Variants in USP34 observed in about 807,000 individuals in gnomAD.
USP34 encodes ubiquitin carboxyl-terminal hydrolase 34.
Under a neutral mutation model 460.3 loss-of-function variants are expected in USP34, and 70 were observed. The ratio of observed to expected loss-of-function variants is 0.15; its 90% CI spans 0.13 to 0.19. The LOEUF (loss-of-function observed/expected upper bound fraction) is 0.19, where lower values mean the gene tolerates loss of function less well. USP34 is among the 10% of genes least tolerant of loss of function. The pLI is 1.00. For missense variants in USP34, 3,985 were observed against 4,236.2 expected, an observed-to-expected ratio of 0.94 and a Z score of 1.65; for synonymous variants, 1,647 against 1,405.3, an observed-to-expected ratio of 1.17 and a Z score of -3.85.
At chr2:61,318,402 A>G (rs1346524203) in intron 22 of USP34, among the ~76,000 whole-genome samples, 1 of 152,166 alleles carries the variant, frequency 6.6e-6, no homozygotes, top group African/African-American at 2.4e-5. Flanking sequence ...TGTTAAAGTC[A>G]GAGGTCGAAA....
intron 1 of USP34, among the ~76,000 whole-genome samples, chr2:61,459,964 A>G (rs1032906852): frequency 7.9e-5 from 12 of 152,124 alleles, no homozygotes; most frequent in Non-Finnish European, 1.6e-4. Context: ...CGGGTGGCTG[A>G]GGGAGGAGAA....
intron 76 of USP34, 129 bp downstream of exon 76, chr2:61,192,772 A>G (rs1686680325): frequency 1.6e-6 from 1 of 637,992 alleles, no homozygotes; most frequent in Admixed American, 3.4e-5. Context: ...TCATTCATTC[A>G]TATGTTACCT....
At chr2:61,350,746 G>A (rs1572959009) in intron 10 of USP34, 53 bp from the exon 11 acceptor site, 1 of 1,553,302 alleles carries the variant, frequency 6.4e-7, no homozygotes, top group African/African-American at 1.4e-5. Context: ...AATACATGTA[G>A]ATTACCTGAT....
intron 21 of USP34, among the ~76,000 whole-genome samples, chr2:61,323,662 T>A (rs779194291): frequency 6.6e-6 from 1 of 152,194 alleles, no homozygotes. Context: ...AGTTTTAGAT[T>A]TGATACTATC....
At chr2:61,354,492 A>G (rs984686501) in intron 10 of USP34, among the ~76,000 whole-genome samples, 3 of 152,204 alleles carry the variant, frequency 2.0e-5, no homozygotes, top group African/African-American at 7.2e-5. Flanking sequence ...AAAAATTGCT[A>G]AAAGACAGTT....
intron 3 of USP34, among the ~76,000 whole-genome samples, chr2:61,400,214 A>G (rs1195820524): frequency 1.3e-5 from 2 of 150,364 alleles, no homozygotes; most frequent in Non-Finnish European, 3.0e-5. Flanking sequence ...GGTTCACGCC[A>G]TTCTCCCGCC....
At chr2:61,233,521 G>C (rs1687975382) in intron 57 of USP34, among the ~76,000 whole-genome samples, 2 of 152,116 alleles carry the variant, frequency 1.3e-5, no homozygotes, top group Admixed American at 1.3e-4. Context: ...ATGGGTATTA[G>C]ATGACAAGAA....
intron 1 of USP34, among the ~76,000 whole-genome samples, chr2:61,463,947 T>C (rs1317439679): frequency 1.3e-5 from 2 of 152,106 alleles, no homozygotes; most frequent in Non-Finnish European, 2.9e-5. Flanking sequence ...AGTTCCCTCA[T>C]CTGAAAAGGA....
chr2:61,391,839 A>C (rs554431823), intron 5 of USP34, among the ~76,000 whole-genome samples: 1 of 152,338 alleles, frequency 6.6e-6, no homozygotes, highest in African/African-American at 2.4e-5. Flanking sequence ...GCTTGCAGAG[A>C]GCCAATCTAC....
In USP34 at chr2:61,204,555, A is replaced by C; in HGVS notation, c.9201T>G (p.His3067Gln). 6.2e-7 allele frequency: 1 copy of C among 1,614,188 alleles called. No individual in the cohort carries two copies. The highest frequency in any genetic ancestry group is 8.5e-7 in the Non-Finnish European group (1 of 1,180,012). Reference protein sequence around the residue: ...LVLLSPHDFLHTLVPFLQHNH... With the variant: ...LVLLSPHDFLQTLVPFLQHNH... ...TGTGTTGTAGAAAGGGAACCAGAGT[A>C]TGAAGAAAATCATGGGGACTCAAAA... Residue 3067 changes from histidine to glutamine, a missense_variant, in exon 73 of 80, where the codon CAT (histidine) becomes CAG (glutamine). By Grantham distance (24) the His-to-Gln change is conservative. Transcript: ENST00000398571.
At chr2:61,403,176 G>C (rs1423727295) in intron 3 of USP34, among the ~76,000 whole-genome samples, 1 of 151,974 alleles carries the variant, frequency 6.6e-6, no homozygotes, top group Non-Finnish European at 1.5e-5. Context: ...TTTCAACCAA[G>C]TAGTAACATA....
At chr2:61,259,845 G>C in intron 43 of USP34, 69 bp from the exon 44 acceptor site, 1 of 1,471,720 alleles carries the variant, frequency 6.8e-7, no homozygotes, top group Non-Finnish European at 9.4e-7. Context: ...TTCTAGCAAA[G>C]AAAGTCTTGC....
chr2:61,355,592 CG>C (rs1692078279), intron 10 of USP34, among the ~76,000 whole-genome samples: 1 of 151,522 alleles, frequency 6.6e-6, no homozygotes, highest in African/African-American at 2.4e-5. Context: ...AAAAGGAAAT[CG>C]AACTGTTTCA....
In USP34 at chr2:61,211,756, A is replaced by G; in HGVS notation, c.8840+16T>C. 6.5e-7 allele frequency: 1 copy of G among 1,550,112 alleles called. No individual in the cohort carries two copies. Among genetic ancestry groups the G allele is most frequent in the Non-Finnish European group, 8.6e-7 (1 of 1,158,772 alleles). On this transcript the variant is annotated intron_variant, in intron 69 of 79. Transcript: ENST00000398571. ...CACTGGAAATAAACAAGACAAAACT[A>G]AAAACATCTTTTTACCTTATTAAAG...
In USP34 at chr2:61,246,462, C is replaced by T. The variant is rs369330047; in HGVS notation, c.6410G>A (p.Ser2137Asn). ...GCTCTCTGAGTCTTTTGAATGATCA[C>T]TGACTTCTTTAAAACCTGAAATGAT... ...SERKEGFKEV[S>N]DHSKDSESYE... The change falls in exon 50 of 80, where the codon AGT (serine) becomes AAT (asparagine). Residue 2137 changes from serine (S) to asparagine (N), a missense_variant. Physicochemically the swap from Ser to Asn is conservative, Grantham distance 46. Around this residue, in one of 14 missense-constraint regions of USP34, gnomAD observed 70 missense variants for 78.1 expected, o/e 0.90. Coordinates refer to ENST00000398571, the MANE Select transcript of USP34 (RefSeq NM_014709.4). 3.2e-6 allele frequency: 5 copies of T among 1,564,760 alleles called. No homozygotes were observed. Among genetic ancestry groups the T allele is most frequent in the Non-Finnish European group, 4.3e-6 (5 of 1,155,418 alleles).
At chr2:61,359,430 T>A (rs1357544379) in intron 10 of USP34, among the ~76,000 whole-genome samples, 2 of 152,194 alleles carry the variant, frequency 1.3e-5, no homozygotes, top group Non-Finnish European at 2.9e-5. Flanking sequence ...TTACACCACA[T>A]GTAACAAATC....
At chr2:61,277,087 T>A (rs1233454953) in intron 41 of USP34, among the ~76,000 whole-genome samples, 1 of 152,178 alleles carries the variant, frequency 6.6e-6, no homozygotes, top group Non-Finnish European at 1.5e-5. Context: ...CAGAGATAGA[T>A]TTCATGTCAC....
chr2:61,233,415 A>C (rs764690672), intron 57 of USP34, among the ~76,000 whole-genome samples: 5 of 151,830 alleles, frequency 3.3e-5, no homozygotes, highest in African/African-American at 1.2e-4. Flanking sequence ...AAGACTTAAC[A>C]AACAGATGAA....
intron 2 of USP34, among the ~76,000 whole-genome samples, chr2:61,417,732 T>A (rs1295109402): frequency 2.7e-5 from 3 of 112,726 alleles, no homozygotes; most frequent in African/African-American, 9.0e-5. Flanking sequence ...TTTTTTTTTC[T>A]TTTTTTCTTT....
Sources: allele counts gnomAD v4.1 joint callset (sites outside exome capture counted in the v4.1 genomes callset), GRCh38; gene constraint gnomAD v4.1.1; regional missense constraint gnomAD v4.1.1; transcripts MANE v1.5; gene names NCBI Gene and HGNC (gene_info 2026-07-23, HGNC 2026-07-21).